The following CCNY variants were observed in gnomAD, a reference collection of about 807,000 sequenced individuals.
The protein encoded by CCNY is cyclin Y, also known as cyclin-Y.
Under a neutral mutation model 42.8 loss-of-function variants are expected in CCNY, and 19 were observed. That is an observed-to-expected ratio of 0.44 (90% CI 0.31 to 0.65). CCNY has a LOEUF of 0.65. CCNY is among the 30% of genes least tolerant of loss of function. CCNY has a pLI of 0.07. For synonymous variants in CCNY, 165 were observed against 162.7 expected (o/e 1.01, Z -0.11); for missense variants, 370 against 437.3 (o/e 0.85, Z 1.37).
chr10:35,444,217 C>T (rs1448244195), intron 1 of CCNY, among the ~76,000 whole-genome samples: 1 of 151,382 alleles, frequency 6.6e-6, no homozygotes. Context: ...CAGGCCCTGC[C>T]TGAGGCTGTT....
At chr10:35,272,983 G>A (rs1589010864) in intron 3 of CCNY, among the ~76,000 whole-genome samples, 1 of 151,044 alleles carries the variant, frequency 6.6e-6, no homozygotes, top group South Asian at 2.1e-4. Flanking sequence ...GAGATGGTAT[G>A]TCACTGTGGT....
At chr10:35,417,495 T>G (rs1251562310) in intron 1 of CCNY, among the ~76,000 whole-genome samples, 1 of 152,148 alleles carries the variant, frequency 6.6e-6, no homozygotes, top group African/African-American at 2.4e-5. Context: ...GAAAGAGAAG[T>G]TGATGATGGT....
intron 3 of CCNY, among the ~76,000 whole-genome samples, chr10:35,325,812 T>C (rs778861831): frequency 9.2e-5 from 14 of 152,088 alleles, no homozygotes; most frequent in Non-Finnish European, 2.1e-4. Flanking sequence ...GGCCTGGTGG[T>C]TCATGCCTGT....
intron 1 of CCNY, among the ~76,000 whole-genome samples, chr10:35,441,491 G>A (rs1195958482): frequency 1.3e-5 from 2 of 152,202 alleles, no homozygotes; most frequent in Admixed American, 1.3e-4. Context: ...AGGAGGCTGG[G>A]CGCAGTGGCT....
intron 1 of CCNY, among the ~76,000 whole-genome samples, chr10:35,394,114 C>T (rs577654411): frequency 1.3e-5 from 2 of 152,270 alleles, no homozygotes; most frequent in African/African-American, 4.8e-5. Flanking sequence ...CCTCCTGTAA[C>T]GACTGCTGGG....
intron 9 of CCNY, 35 bp from the exon 10 acceptor site, chr10:35,569,019 C>T (rs776825396): frequency 5.0e-6 from 7 of 1,410,596 alleles, no homozygotes; most frequent in South Asian, 2.3e-5. Flanking sequence ...CAGATATGGC[C>T]CGCCCTGACC....
Position 35,249,231 on chromosome 10 carries a change from T to C in CCNY, c.-114+1020T>C, listed in dbSNP as rs182687619. Among the ~76,000 whole-genome samples the C allele has an allele frequency of 3.1e-3, 475 of 152,336 alleles. 3 individuals carry two copies. Among genetic ancestry groups the C allele is most frequent in the African/African-American group, 0.011 (461 of 41,594 alleles). On this transcript the variant is annotated intron_variant, in intron 2 of 11. Transcript: ENST00000374706. The stretch of plus-strand genomic sequence containing the variant: ...TGCTGAGGTTACAGGTGTGAGGCAC[T>C]GCTCCCTGCCAACACTAGGTTTTTG...
At chr10:35,359,895 C>T (rs889159918) in intron 1 of CCNY, among the ~76,000 whole-genome samples, 4 of 152,338 alleles carry the variant, frequency 2.6e-5, no homozygotes, top group East Asian at 1.9e-4. Context: ...TTTCACTTAA[C>T]GTAATGTCCT....
chr10:35,329,359 G>C (rs1835914954), intron 3 of CCNY, among the ~76,000 whole-genome samples: 1 of 151,946 alleles, frequency 6.6e-6, no homozygotes, highest in Non-Finnish European at 1.5e-5. Flanking sequence ...AGATCATCCT[G>C]GCTAACATGG....
In CCNY at chr10:35,390,438, T is replaced by G. The variant is rs1247978720; in HGVS notation, c.154+53231T>G. Reference sequence around the variant, plus strand: ...TGTGTTTATTTTGGTATTTGAAATTTTTTATATCAAAGCTAGCCCTAAAGA... The same window carrying G: ...TGTGTTTATTTTGGTATTTGAAATTGTTTATATCAAAGCTAGCCCTAAAGA... On this transcript the variant is annotated intron_variant, in intron 1 of 9. Transcript: ENST00000374704. Among the ~76,000 whole-genome samples the G allele has an allele frequency of 2.6e-5, 4 of 152,252 alleles. No individual in the cohort carries two copies. In the East Asian group the frequency reaches 5.8e-4, roughly 22 times the overall value.
intron 2 of CCNY, among the ~76,000 whole-genome samples, chr10:35,250,370 A>T (rs1435922244): frequency 6.6e-6 from 1 of 152,168 alleles, no homozygotes; most frequent in Non-Finnish European, 1.5e-5. Context: ...GTCTCAATAA[A>T]TAAATAAATA....
intron 3 of CCNY, among the ~76,000 whole-genome samples, chr10:35,266,105 T>G (rs2095724910): frequency 6.6e-6 from 1 of 151,984 alleles, no homozygotes; most frequent in African/African-American, 2.4e-5. Flanking sequence ...TGAGATGGAG[T>G]CTTGCTCTGT....
At chr10:35,297,826 C>T (rs1835489507) in intron 3 of CCNY, among the ~76,000 whole-genome samples, 1 of 152,016 alleles carries the variant, frequency 6.6e-6, no homozygotes, top group Admixed American at 6.6e-5. Flanking sequence ...AAACACTGCT[C>T]AAGGAAATCA....
intron 1 of CCNY, 128 bp from the exon 2 acceptor site, chr10:35,483,276 A>C: frequency 1.5e-6 from 1 of 654,142 alleles, no homozygotes; most frequent in East Asian, 2.9e-5. Flanking sequence ...CTATTAACAT[A>C]ATAGCTATAG....
At chr10:35,299,969 T>C (rs965020960) in intron 3 of CCNY, among the ~76,000 whole-genome samples, 18 of 152,232 alleles carry the variant, frequency 1.2e-4, no homozygotes, top group African/African-American at 4.3e-4. Context: ...TTTATCAGTG[T>C]ACCTTCAAAT....
chr10:35,335,577 C>G (rs888817123), upstream of CCNY, among the ~76,000 whole-genome samples: 5 of 152,032 alleles, frequency 3.3e-5, no homozygotes, highest in African/African-American at 1.2e-4. Context: ...AAAAAAATAG[C>G]CAGGTGCCGT....
chr10:35,433,347 C>T (rs1838455573), intron 1 of CCNY, among the ~76,000 whole-genome samples: 1 of 152,032 alleles, frequency 6.6e-6, no homozygotes, highest in Non-Finnish European at 1.5e-5. Flanking sequence ...GAATGTTTTT[C>T]AGCCTTATTT....
chr10:35,486,933 C>G (rs1379236388), intron 2 of CCNY, among the ~76,000 whole-genome samples: 1 of 152,186 alleles, frequency 6.6e-6, no homozygotes, highest in African/African-American at 2.4e-5. Context: ...TTGGTGAGCT[C>G]CCATAGGAGT....
chr10:35,386,659 G>C (rs558431464), intron 1 of CCNY, among the ~76,000 whole-genome samples: 18 of 152,188 alleles, frequency 1.2e-4, no homozygotes, highest in Admixed American at 3.3e-4. Context: ...TGCAGTGTAC[G>C]GCCTTCCAAT....
Sources: gnomAD v4.1 joint callset for allele counts (sites outside exome capture counted in the v4.1 genomes callset) on GRCh38, gnomAD v4.1.1 for gene constraint, MANE v1.5 for transcripts, NCBI Gene and HGNC (gene_info 2026-07-23, HGNC 2026-07-21) for gene names.